The following FANCC variants were observed in gnomAD, a reference collection of about 807,000 sequenced individuals.
FANCC encodes the protein FA complementation group C.
FANCC carries 55 observed loss-of-function variants against 71.3 expected under a neutral mutation model. The ratio of observed to expected loss-of-function variants is 0.77; its 90% confidence interval spans 0.62 to 0.97. FANCC has a LOEUF of 0.97. Ranked by LOEUF, FANCC falls within the 50% of genes least tolerant of loss-of-function variation. The pLI, the probability that FANCC is intolerant of heterozygous loss-of-function variation, is 0.00. For missense variants in FANCC, 678 were observed against 670.9 expected, an observed-to-expected ratio of 1.01 and a Z score of -0.12; for synonymous variants, 275 against 244.9, an observed-to-expected ratio of 1.12 and a Z score of -1.15.
chr9:95,145,809 C>T (rs1052350983), intron 7 of FANCC, among the ~76,000 whole-genome samples: 1 of 152,174 alleles, frequency 6.6e-6, no homozygotes, highest in Admixed American at 6.5e-5. Flanking sequence ...CACCCTTTAT[C>T]ACACTCAAGA....
chr9:95,300,254 T>C (rs1266326696), intron 1 of FANCC, among the ~76,000 whole-genome samples: 1 of 151,914 alleles, frequency 6.6e-6, no homozygotes, highest in Non-Finnish European at 1.5e-5. Context: ...AATCTGGTAA[T>C]GGTAAGATTA....
intron 1 of FANCC, among the ~76,000 whole-genome samples, chr9:95,278,412 A>G (rs1214076230): frequency 6.6e-6 from 1 of 152,214 alleles, no homozygotes; most frequent in Non-Finnish European, 1.5e-5. Flanking sequence ...ACTACTGATA[A>G]AACAACTAGA....
chr9:95,220,429 C>T (rs242449), intron 4 of FANCC, among the ~76,000 whole-genome samples: 107,815 of 152,148 alleles, frequency 0.71, 39,283 homozygotes, highest in East Asian at 0.93. Flanking sequence ...GTATGTTTAC[C>T]GCAGCACTAT....
intron 4 of FANCC, among the ~76,000 whole-genome samples, chr9:95,176,018 CAG>C (rs1355619995): frequency 6.6e-6 from 1 of 152,200 alleles, no homozygotes; most frequent in Non-Finnish European, 1.5e-5. Context: ...GCTCAGAAAC[CAG>C]ACTTTTGCAT....
intron 6 of FANCC, among the ~76,000 whole-genome samples, chr9:95,153,722 C>T (rs1830307272): frequency 6.6e-6 from 1 of 152,132 alleles, no homozygotes; most frequent in African/African-American, 2.4e-5. Context: ...AGTCCTTTGT[C>T]AGATGCATAG....
intron 4 of FANCC, among the ~76,000 whole-genome samples, chr9:95,201,954 T>C (rs1376748798): frequency 1.3e-5 from 2 of 152,230 alleles, no homozygotes; most frequent in Non-Finnish European, 2.9e-5. Context: ...TACACACTTA[T>C]ATTTTGCTTA....
In FANCC at chr9:95,126,516, G is replaced by A; in HGVS notation, c.896+13C>T. 1 of 1,612,620 alleles carries A rather than the reference G, an allele frequency of 6.2e-7. No individual in the cohort carries two copies. The highest frequency in any genetic ancestry group is 8.5e-7 in the Non-Finnish European group (1 of 1,178,690). On this transcript the variant is annotated intron_variant, in intron 9 of 14. Coordinates refer to ENST00000289081, the MANE Select transcript of FANCC (RefSeq NM_000136.3). ...TTTACATCAATTACTAGAAGAAACA[G>A]TGTAACGTTTACCTGAACATCTCAT...
At chr9:95,199,178 T>C (rs917940568) in intron 4 of FANCC, among the ~76,000 whole-genome samples, 2 of 152,208 alleles carry the variant, frequency 1.3e-5, no homozygotes, top group African/African-American at 4.8e-5. Flanking sequence ...TTGCCATGTA[T>C]CAAATCCTTA....
chr9:95,116,445 T>C (rs1176611734), intron 11 of FANCC, among the ~76,000 whole-genome samples: 1 of 152,214 alleles, frequency 6.6e-6, no homozygotes, highest in African/African-American at 2.4e-5. Context: ...TTTTGTAAAA[T>C]GCTCTGAAAC....
Position 95,299,702 on chromosome 9 carries a change from C to T in FANCC, c.-79+17824G>A, listed in dbSNP as rs139542273. Among the ~76,000 whole-genome samples, 15 of 152,144 alleles carry T rather than the reference C, an allele frequency of 9.9e-5. 1 individual carries two copies. The East Asian group carries it at 2.7e-3, about 27-fold the overall frequency. On this transcript the variant is annotated intron_variant, in intron 1 of 14. Coordinates refer to ENST00000289081, the MANE Select transcript of FANCC (RefSeq NM_000136.3). ...ATAGTGAGACCTCAGCTCTACAAAACATCAAAAAATTAGCCAGACATGGTG... is the reference window on the plus strand; with the variant it reads ...ATAGTGAGACCTCAGCTCTACAAAATATCAAAAAATTAGCCAGACATGGTG...
At chr9:95,110,587 A>G (rs2071837321) in intron 13 of FANCC, 2 of 1,035,608 alleles carry the variant, frequency 1.9e-6, no homozygotes, top group Non-Finnish European at 2.3e-6. Flanking sequence ...ATCTAAAACT[A>G]TTTTTCTTTC....
At chr9:95,271,251 ATGGGACCTG>A in intron 1 of FANCC, among the ~76,000 whole-genome samples, 1 of 152,182 alleles carries the variant, frequency 6.6e-6, no homozygotes, top group African/African-American at 2.4e-5. Flanking sequence ...ACACTAGCAC[ATGGGACCTG>A]TGAATATTAC....
intron 4 of FANCC, among the ~76,000 whole-genome samples, chr9:95,195,252 T>C (rs1376509368): frequency 6.6e-6 from 1 of 150,684 alleles, no homozygotes; most frequent in African/African-American, 2.4e-5. Context: ...AGCCTTTTTT[T>C]TTTTTTTTGA....
chr9:95,149,437 T>C (rs1232700068), intron 7 of FANCC, among the ~76,000 whole-genome samples: 2 of 151,024 alleles, frequency 1.3e-5, no homozygotes, highest in Non-Finnish European at 3.0e-5. Flanking sequence ...AAACCTAAAA[T>C]AAAAGTTAAA....
chr9:95,289,197 G>A (rs1156679525), intron 1 of FANCC, among the ~76,000 whole-genome samples: 1 of 151,974 alleles, frequency 6.6e-6, no homozygotes, highest in Non-Finnish European at 1.5e-5. Context: ...ACTACATAAG[G>A]TTCAGACTTA....
chr9:95,263,452 C>A (rs932976796), intron 1 of FANCC, among the ~76,000 whole-genome samples: 2 of 150,570 alleles, frequency 1.3e-5, no homozygotes, highest in African/African-American at 4.9e-5. Context: ...TTACTGAAGA[C>A]CCCAAAGAGT....
intron 3 of FANCC, 120 bp from the exon 4 acceptor site, chr9:95,240,863 G>C (rs1313775378): frequency 4.4e-6 from 3 of 678,112 alleles, no homozygotes; most frequent in Non-Finnish European, 7.9e-6. Context: ...AAGTATCCCT[G>C]AATATAACAT....
chr9:95,308,387 G>A (rs772478390), intron 1 of FANCC, among the ~76,000 whole-genome samples: 1 of 151,944 alleles, frequency 6.6e-6, no homozygotes, highest in African/African-American at 2.4e-5. Flanking sequence ...GAGTTCAAGC[G>A]ATTCTTGTAC....
intron 6 of FANCC, among the ~76,000 whole-genome samples, chr9:95,164,378 C>T (rs911884466): frequency 1.3e-5 from 2 of 152,146 alleles, no homozygotes; most frequent in African/African-American, 4.8e-5. Context: ...TGTTCCTGAT[C>T]TCAGCGGGAA....
Sources: allele counts gnomAD v4.1 joint callset (sites outside exome capture counted in the v4.1 genomes callset), GRCh38; gene constraint gnomAD v4.1.1; transcripts MANE v1.5; gene names NCBI Gene and HGNC (gene_info 2026-07-23, HGNC 2026-07-21).